Variants in ZFAND4 observed in about 807,000 individuals in gnomAD.
ZFAND4 encodes zinc finger AN1-type containing 4.
In ZFAND4, 43 loss-of-function variants were observed where a neutral mutation model predicts 64.4. The observed-to-expected ratio is 0.67, with a 90% CI of 0.52 to 0.86. ZFAND4 has a LOEUF of 0.86. Among genes scored for constraint, ZFAND4 ranks in the 40% least tolerant of loss-of-function variants. ZFAND4 has a pLI of 0.00. For missense variants in ZFAND4, 929 were observed against 859.8 expected (o/e 1.08, Z -1.01); for synonymous variants, 296 against 305.7 (o/e 0.97, Z 0.33).
At chr10:45,668,196 T>C (rs909469180) in intron 1 of ZFAND4, among the ~76,000 whole-genome samples, 4 of 152,250 alleles carry the variant, frequency 2.6e-5, no homozygotes, top group Non-Finnish European at 4.4e-5. Flanking sequence ...GATTTCTGTG[T>C]CTATAATCAC....
rs2049291426 is a variant in ZFAND4, at chr10:45,672,730, A to T, written c.-598T>A. On this transcript the variant is annotated 5_prime_UTR_variant, in exon 1 of 10. Coordinates refer to ENST00000344646, the MANE Select transcript of ZFAND4 (RefSeq NM_174890.4). ...GCCCGCCTACAGGTCGACAGGGCCCAACGACCCGGCGAGCAACTTCACGGA... is the reference window on the plus strand; with the variant it reads ...GCCCGCCTACAGGTCGACAGGGCCCTACGACCCGGCGAGCAACTTCACGGA... 1 of 152,192 alleles carries T rather than the reference A, an allele frequency of 6.6e-6. No individual in the cohort carries two copies. Among genetic ancestry groups the T allele is most frequent in the Admixed American group, 6.5e-5 (1 of 15,280 alleles). 9.4% of individuals were successfully genotyped at this position (152,192 alleles called of 1,614,324 possible).
intron 6 of ZFAND4, among the ~76,000 whole-genome samples, chr10:45,631,191 G>A (rs1218338997): frequency 2.6e-5 from 4 of 151,102 alleles, no homozygotes; most frequent in Admixed American, 2.0e-4. Flanking sequence ...GGTGACGGGC[G>A]CCTGTAGTCC....
intron 8 of ZFAND4, among the ~76,000 whole-genome samples, chr10:45,622,524 C>A (rs1454143093): frequency 1.3e-5 from 2 of 151,680 alleles, no homozygotes; most frequent in Non-Finnish European, 2.9e-5. Context: ...ATCGGATTTC[C>A]TAATGTGTCA....
chr10:45,636,984 A>G (rs1343176091), intron 6 of ZFAND4, among the ~76,000 whole-genome samples: 1 of 151,024 alleles, frequency 6.6e-6, no homozygotes, highest in East Asian at 1.9e-4. Context: ...TAATAGAGCT[A>G]AGTCAATTGT....
intron 5 of ZFAND4, among the ~76,000 whole-genome samples, chr10:45,640,751 A>T (rs1226324759): frequency 6.6e-6 from 1 of 152,192 alleles, no homozygotes; most frequent in Admixed American, 6.5e-5. Context: ...CGGCCTCCCA[A>T]AGTGCTGGGA....
chr10:45,631,033 C>T (rs2046177745), intron 6 of ZFAND4, among the ~76,000 whole-genome samples: 1 of 150,120 alleles, frequency 6.7e-6, no homozygotes, highest in Admixed American at 6.6e-5. Context: ...AAATAAGCTC[C>T]AAAGGCCGGG....
intron 2 of ZFAND4, among the ~76,000 whole-genome samples, chr10:45,659,282 C>T (rs1014578692): frequency 1.3e-5 from 2 of 152,198 alleles, no homozygotes; most frequent in Non-Finnish European, 2.9e-5. Context: ...TGTTCCCCCT[C>T]TTCCCAATAC....
intron 6 of ZFAND4, among the ~76,000 whole-genome samples, chr10:45,631,370 T>TAA (rs199684761): frequency 2.2e-5 from 3 of 133,582 alleles, no homozygotes; most frequent in East Asian, 2.1e-4. Context: ...AATAAAGTAC[T>TAA]AAAAAAAAAA....
chr10:45,626,393 C>T lies in ZFAND4; in HGVS notation c.1430G>A (p.Cys477Tyr). 1 of 1,614,102 alleles carries T rather than the reference C, an allele frequency of 6.2e-7. No homozygotes were observed. The highest frequency in any genetic ancestry group is 1.1e-5 in the South Asian group (1 of 91,086). The change falls in exon 7 of 10, where the codon TGT (cysteine) becomes TAT (tyrosine). Residue 477 changes from cysteine (C) to tyrosine (Y), a missense_variant. Transcript: ENST00000344646. ...ATTATGTAGCGACATTGGTGCAGAA[C>T]AGCGAAGAGGTGACAAGAGTCTATT... ...HKNRLLSPLR[C>Y]SAPMSLHNSL...
intron 5 of ZFAND4, among the ~76,000 whole-genome samples, chr10:45,647,136 T>C (rs895027875): frequency 6.6e-6 from 1 of 152,192 alleles, no homozygotes; most frequent in African/African-American, 2.4e-5. Flanking sequence ...CAAAGGACGT[T>C]GCAGATGTAA....
At chr10:45,657,086 T>G (rs1201304570) in intron 2 of ZFAND4, among the ~76,000 whole-genome samples, 2 of 151,446 alleles carry the variant, frequency 1.3e-5, no homozygotes, top group Non-Finnish European at 2.9e-5. Flanking sequence ...CAATTTTAGC[T>G]CACTGCAATC....
chr10:45,659,991 CA>C (rs1226746013), intron 2 of ZFAND4, among the ~76,000 whole-genome samples: 1 of 151,956 alleles, frequency 6.6e-6, no homozygotes, highest in Non-Finnish European at 1.5e-5. Context: ...TCCTGACTAA[CA>C]CGGTGAAACC....
intron 5 of ZFAND4, among the ~76,000 whole-genome samples, chr10:45,642,463 C>G (rs900341683): frequency 1.3e-5 from 2 of 151,654 alleles, no homozygotes; most frequent in African/African-American, 2.4e-5. Context: ...AAAAATTCGC[C>G]GGGCGTGGTG....
chr10:45,666,005 T>C (rs1275415951), intron 1 of ZFAND4, among the ~76,000 whole-genome samples: 1 of 152,260 alleles, frequency 6.6e-6, no homozygotes, highest in Non-Finnish European at 1.5e-5. Flanking sequence ...TTTTGGGCTG[T>C]TACATATAGT....
At chr10:45,646,059 A>G (rs1164291158) in intron 5 of ZFAND4, among the ~76,000 whole-genome samples, 1 of 152,172 alleles carries the variant, frequency 6.6e-6, no homozygotes, top group African/African-American at 2.4e-5. Context: ...TTTGCAATTG[A>G]CTTTGCAAAT....
intron 2 of ZFAND4, among the ~76,000 whole-genome samples, chr10:45,659,613 T>C (rs1313332303): frequency 6.6e-6 from 1 of 152,010 alleles, no homozygotes; most frequent in Non-Finnish European, 1.5e-5. Flanking sequence ...AAATATGGTA[T>C]GAAAAGACAA....
intron 6 of ZFAND4, among the ~76,000 whole-genome samples, chr10:45,637,887 A>G (rs2046721869): frequency 6.6e-6 from 1 of 152,224 alleles, no homozygotes; most frequent in African/African-American, 2.4e-5. Context: ...CATATATCTG[A>G]CAAAGGACTT....
rs763070045 is a variant in ZFAND4 at position 45,626,400 on chromosome 10, G to T, written c.1423C>A (p.Leu475Ile). 8.1e-6 allele frequency: 13 copies of T among 1,613,990 alleles called. No individual in the cohort carries two copies. Among genetic ancestry groups the T allele is most frequent in the Non-Finnish European group, 1.1e-5 (13 of 1,180,054 alleles). ...AGCGACATTGGTGCAGAACAGCGAA[G>T]AGGTGACAAGAGTCTATTCTTGTGA... ...SPHKNRLLSPLRCSAPMSLHN... is the reference protein window; with the variant it reads ...SPHKNRLLSPIRCSAPMSLHN... The change falls in exon 7 of 10, where the codon CTT becomes ATT. Residue 475 changes from leucine to isoleucine, a missense_variant. Coordinates refer to ENST00000344646, the MANE Select transcript of ZFAND4 (RefSeq NM_174890.4).
At chr10:45,659,245 G>C (rs1312949995) in intron 2 of ZFAND4, among the ~76,000 whole-genome samples, 2 of 152,180 alleles carry the variant, frequency 1.3e-5, no homozygotes, top group Non-Finnish European at 2.9e-5. Flanking sequence ...CAGGCCCACT[G>C]CAAGATTTAA....
Sources: gnomAD v4.1 joint callset for allele counts (sites outside exome capture counted in the v4.1 genomes callset) on GRCh38, gnomAD v4.1.1 for gene constraint, MANE v1.5 for transcripts, NCBI Gene and HGNC (gene_info 2026-07-23, HGNC 2026-07-21) for gene names.